Variants in PCDHGA11 observed in about 807,000 individuals in gnomAD.
The protein encoded by PCDHGA11 is protocadherin gamma-A11.
Under a neutral mutation model 60.4 loss-of-function variants are expected in PCDHGA11, and 39 were observed. The ratio of observed to expected loss-of-function variants is 0.65; its 90% confidence interval spans 0.50 to 0.84. PCDHGA11 has a LOEUF of 0.84. PCDHGA11 is among the 40% of genes least tolerant of loss of function. The pLI is 0.00. For missense variants in PCDHGA11, 1,165 were observed against 1,197.7 expected (o/e 0.97, Z 0.40); for synonymous variants, 533 against 510.3 (o/e 1.04, Z -0.60).
rs1368451336 is a variant in PCDHGA11 at position 141,505,377 on chromosome 5, C to T, written c.2493-16C>T. ...CGGCCTGGGAGTCTGTGCTCACCAT[C>T]CTACTCTCTCCCCAGCTCCCAAAAT... On this transcript the variant is annotated splice_polypyrimidine_tract_variant and intron_variant, in intron 2 of 3. Transcript: ENST00000398587. The T allele has an allele frequency of 6.2e-7, 1 of 1,614,036 alleles. No individual in the cohort carries two copies. Among genetic ancestry groups the T allele is most frequent in the Non-Finnish European group, 8.5e-7 (1 of 1,179,954 alleles).
intron 1 of PCDHGA11, 200 bp downstream of exon 1, chr5:141,423,860 G>A: frequency 7.8e-7 from 1 of 1,283,074 alleles, no homozygotes; most frequent in Non-Finnish European, 9.9e-7. Context: ...ACGTTTTTGT[G>A]AAAGTCATTT....
Position 141,486,632 on chromosome 5 carries a change from A to G in PCDHGA11, c.2434-8175A>G, listed in dbSNP as rs1304397413. The G allele has an allele frequency of 6.2e-7, 1 of 1,613,580 alleles. No individual in the cohort carries two copies. Among genetic ancestry groups the G allele is most frequent in the Non-Finnish European group, 8.5e-7 (1 of 1,180,040 alleles). ...AGCCTCTGACCCAGACTCTGGCTTG[A>G]ATGCGCTTATCTCCTACTCACTCCT... On this transcript the variant is annotated intron_variant, in intron 1 of 3. Coordinates refer to ENST00000398587, the MANE Select transcript of PCDHGA11 (RefSeq NM_018914.3). This position sits in a 1 kb window ranked among gnomAD's most constrained non-coding sequence, Gnocchi z 5.0.
intron 1 of PCDHGA11, chr5:141,433,110 G>T (rs1031253372): frequency 1.2e-6 from 2 of 1,614,098 alleles, no homozygotes; most frequent in East Asian, 4.5e-5. Context: ...AGCCAGGAGA[G>T]CTTTGAAAAA....
chr5:141,477,867 C>CGGT lies in PCDHGA11; in HGVS notation c.2434-16940_2434-16939insGGT. On this transcript the variant is annotated intron_variant, in intron 1 of 3. Transcript: ENST00000398587. This position sits in a 1 kb window ranked among gnomAD's most constrained non-coding sequence, Gnocchi z 4.9. ...TCGGTGGAGATGCTGCCTCGAGGTA[C>CGGT]CTCAGCTGGCCACCTAGTGTCACGG... 6.2e-7 allele frequency: 1 copy of CGGT among 1,613,614 alleles called. No homozygotes were observed. Among genetic ancestry groups the CGGT allele is most frequent in the Non-Finnish European group, 8.5e-7 (1 of 1,179,854 alleles).
Position 141,431,199 on chromosome 5 carries a change from C to T in PCDHGA11, c.2433+7539C>T. 1 of 1,614,194 alleles carries T rather than the reference C, an allele frequency of 6.2e-7. No homozygotes were observed. Among genetic ancestry groups the T allele is most frequent in the East Asian group, 2.2e-5 (1 of 44,890 alleles). ...GAAATAAAAATTAGTGAAAATGCAG[C>T]CACTGAGATGCGGTTCCCTCTACCC... On this transcript the variant is annotated intron_variant, in intron 1 of 3. Transcript: ENST00000398587. This position sits in a 1 kb window ranked among gnomAD's most constrained non-coding sequence, Gnocchi z 4.8.
rs772444495 is a variant in PCDHGA11 at position 141,491,766 on chromosome 5, T to C, written c.2434-3041T>C. 14 of 1,567,738 alleles carry C rather than the reference T, an allele frequency of 8.9e-6. No homozygotes were observed. The African/African-American group carries it at 1.6e-4, about 18-fold the overall frequency. ...GCACTGGAGAAGCCGCCCGTCCTCA[T>C]AAGGGATTGAACTTGCATCCACTCC... On this transcript the variant is annotated intron_variant, in intron 1 of 3. Coordinates refer to ENST00000398587, the MANE Select transcript of PCDHGA11 (RefSeq NM_018914.3). The surrounding 1 kb of genome is among the most constrained non-coding windows in gnomAD (Gnocchi z 6.9).
Position 141,431,364 on chromosome 5 carries a change from G to T in PCDHGA11, c.2433+7704G>T, listed in dbSNP as rs773688069. 3 of 1,613,892 alleles carry T rather than the reference G, an allele frequency of 1.9e-6. No individual in the cohort carries two copies. The East Asian group carries it at 6.7e-5, about 36-fold the overall frequency. ...TTGGTGCTGAAACGCGCCCTGGACC[G>T]CGAAGAAAAGGCTGCTCACCACCTG... On this transcript the variant is annotated intron_variant, in intron 1 of 3. Coordinates refer to ENST00000398587, the MANE Select transcript of PCDHGA11 (RefSeq NM_018914.3). The surrounding 1 kb of genome is among the most constrained non-coding windows in gnomAD (Gnocchi z 4.8).
At position 141,491,305 on chromosome 5, in the gene PCDHGA11, G is replaced by T. The variant is rs1461861151; in HGVS notation, c.2434-3502G>T. 6.2e-7 allele frequency: 1 copy of T among 1,614,176 alleles called. No homozygotes were observed. Among genetic ancestry groups the T allele is most frequent in the African/African-American group, 1.3e-5 (1 of 75,048 alleles). ...CCTCATACACCCTCCTGAGCGTTCA[G>T]ACCTTACCCTTTACCTCATTGTGGC... On this transcript the variant is annotated intron_variant, in intron 1 of 3. Coordinates refer to ENST00000398587, the MANE Select transcript of PCDHGA11 (RefSeq NM_018914.3). This position sits in a 1 kb window ranked among gnomAD's most constrained non-coding sequence, Gnocchi z 6.9.
intron 2 of PCDHGA11, among the ~76,000 whole-genome samples, chr5:141,500,212 ATT>A (rs1336187706): frequency 5.4e-5 from 8 of 148,798 alleles, no homozygotes; most frequent in African/African-American, 2.0e-4. Context: ...TTATTTATTT[ATT>A]TATTTATTTA....
intron 1 of PCDHGA11, among the ~76,000 whole-genome samples, chr5:141,450,008 T>A (rs78952430): frequency 4.8e-4 from 18 of 37,340 alleles, no homozygotes; most frequent in African/African-American, 6.8e-4. Context: ...CCATGTCTCT[T>A]TTTTTTTTTT....
chr5:141,449,592 A>C (rs1344646010), intron 1 of PCDHGA11, among the ~76,000 whole-genome samples: 1 of 150,266 alleles, frequency 6.7e-6, no homozygotes, highest in African/African-American at 2.4e-5. Context: ...CTGTCTCAAA[A>C]AAAAAAAAAA....
chr5:141,453,524 C>T (rs1351750021), intron 1 of PCDHGA11, among the ~76,000 whole-genome samples: 1 of 152,060 alleles, frequency 6.6e-6, no homozygotes, highest in Non-Finnish European at 1.5e-5. Flanking sequence ...TCCCCTATAC[C>T]TTCTGCCTCA....
rs765969768 is a variant in PCDHGA11, at chr5:141,421,456, G to A, written c.229G>A (p.Ala77Thr). ...CTCCAGAGGGAAGACACAGCTTTTC[G>A]CTGTGAATCCGCGAAGCGGCAGCTT... is the stretch of plus-strand genomic sequence containing the variant. Reference protein sequence around the residue: ...IVSRGKTQLFAVNPRSGSLIT... With the variant: ...IVSRGKTQLFTVNPRSGSLIT... Residue 77 changes from alanine (A) to threonine (T), a missense_variant, in exon 1 of 4, where the codon GCT (alanine) becomes ACT (threonine). Transcript: ENST00000398587. 9.3e-6 allele frequency: 15 copies of A among 1,614,132 alleles called. No homozygotes were observed. Among genetic ancestry groups the A allele is most frequent in the Non-Finnish European group, 1.1e-5 (13 of 1,179,948 alleles).
At position 141,432,669 on chromosome 5, in the gene PCDHGA11, C is replaced by T. The variant is rs777314784; in HGVS notation, c.2433+9009C>T. ...GCGCGAGCCCTGCTGGACAGAGACG[C>T]GCTCAAGCAGAGCCTCGTAGTGGCC... On this transcript the variant is annotated intron_variant, in intron 1 of 3. Transcript: ENST00000398587. This position sits in a 1 kb window ranked among gnomAD's most constrained non-coding sequence, Gnocchi z 6.0. 1 of 1,613,894 alleles carries T rather than the reference C, an allele frequency of 6.2e-7. No homozygotes were observed.
intron 1 of PCDHGA11, chr5:141,478,144 G>A (rs2099432883): frequency 6.2e-7 from 1 of 1,613,918 alleles, no homozygotes; most frequent in Non-Finnish European, 8.5e-7. Flanking sequence ...CCCGAGCCGA[G>A]TTCCCCTCTG....
rs746838072 is a variant in PCDHGA11 at position 141,486,116 on chromosome 5, T to A, written c.2434-8691T>A. ...GCCCCTAGACTTTGAGAGTGAGAATTACTATGAATTTGATGTGCGGGCTCG... is the reference window on the plus strand; with the variant it reads ...GCCCCTAGACTTTGAGAGTGAGAATAACTATGAATTTGATGTGCGGGCTCG... On this transcript the variant is annotated intron_variant, in intron 1 of 3. Coordinates refer to ENST00000398587, the MANE Select transcript of PCDHGA11 (RefSeq NM_018914.3). This position sits in a 1 kb window ranked among gnomAD's most constrained non-coding sequence, Gnocchi z 5.0. 1.1e-5 allele frequency: 17 copies of A among 1,613,638 alleles called. No homozygotes were observed. Among genetic ancestry groups the A allele is most frequent in the Non-Finnish European group, 1.4e-5 (17 of 1,179,610 alleles).
intron 1 of PCDHGA11, among the ~76,000 whole-genome samples, chr5:141,467,590 A>T (rs2099146863): frequency 6.6e-6 from 1 of 152,214 alleles, no homozygotes; most frequent in African/African-American, 2.4e-5. Context: ...AATGCCATTT[A>T]TTAAGCACTT....
Position 141,491,793 on chromosome 5 carries a change from C to A in PCDHGA11, c.2434-3014C>A. 6.6e-7 allele frequency: 1 copy of A among 1,511,410 alleles called. No homozygotes were observed. The highest frequency in any genetic ancestry group is 1.3e-5 in the South Asian group (1 of 77,572). The allele number at this position is 1,511,410 out of a possible 1,614,324, so 93.6% of individuals were successfully genotyped here. On this transcript the variant is annotated intron_variant, in intron 1 of 3. Coordinates refer to ENST00000398587, the MANE Select transcript of PCDHGA11 (RefSeq NM_018914.3). This position sits in a 1 kb window ranked among gnomAD's most constrained non-coding sequence, Gnocchi z 6.9. ...AGGGATTGAACTTGCATCCACTCCT[C>A]TCCGGCCGGCTTGGTCGCTGGCTGC...
intron 2 of PCDHGA11, among the ~76,000 whole-genome samples, chr5:141,500,189 TTTATTTA>T (rs1562193869): frequency 4.5e-5 from 5 of 110,894 alleles, no homozygotes; most frequent in African/African-American, 1.8e-4. Context: ...TTTATTTTTA[TTTATTTA>T]TTTATTTATT....
Sources: gnomAD v4.1 joint callset for allele counts (sites outside exome capture counted in the v4.1 genomes callset) on GRCh38, gnomAD v4.1.1 for gene constraint, Gnocchi (gnomAD v3.1) non-coding constraint, MANE v1.5 for transcripts, NCBI Gene and HGNC (gene_info 2026-07-23, HGNC 2026-07-21) for gene names.